PRORP: variants seen among roughly 807,000 people sequenced by gnomAD.
PRORP encodes mitochondrial ribonuclease P catalytic subunit.
Under a neutral mutation model 59.4 loss-of-function variants are expected in PRORP, and 51 were observed. The ratio of observed to expected loss-of-function variants is 0.86; its 90% CI spans 0.69 to 1.08. The LOEUF (loss-of-function observed/expected upper bound fraction) is 1.08. Among genes scored for constraint, PRORP ranks in the 50% least tolerant of loss-of-function variants. PRORP has a pLI of 0.00. For synonymous variants in PRORP, 231 were observed against 245.6 expected, an observed-to-expected ratio of 0.94 and a Z score of 0.55; for missense variants, 646 against 690.3, an observed-to-expected ratio of 0.94 and a Z score of 0.72.
intron 5 of PRORP, among the ~76,000 whole-genome samples, chr14:35,210,834 G>T (rs1001089827): frequency 7.8e-6 from 1 of 128,756 alleles, no homozygotes; most frequent in African/African-American, 2.9e-5. Flanking sequence ...GCATGAAATG[G>T]CTCACTGCTG....
At chr14:35,149,068 G>A (rs868236529) in intron 4 of PRORP, among the ~76,000 whole-genome samples, 2 of 149,138 alleles carry the variant, frequency 1.3e-5, no homozygotes, top group African/African-American at 2.5e-5. Context: ...ACAGGCGCCC[G>A]CCACCACGCC....
chr14:35,229,193 A>T (rs2050011509), intron 5 of PRORP, among the ~76,000 whole-genome samples: 1 of 152,108 alleles, frequency 6.6e-6, no homozygotes, highest in Non-Finnish European at 1.5e-5. Flanking sequence ...CCTGGATATT[A>T]GATTTTTGTT....
At chr14:35,186,673 G>A (rs541325860) in intron 5 of PRORP, among the ~76,000 whole-genome samples, 5 of 151,556 alleles carry the variant, frequency 3.3e-5, no homozygotes, top group African/African-American at 1.2e-4. Flanking sequence ...TCTCACTGCA[G>A]GCTTGACCTC....
intron 5 of PRORP, among the ~76,000 whole-genome samples, chr14:35,256,687 G>A (rs1320987835): frequency 6.6e-6 from 1 of 151,840 alleles, no homozygotes; most frequent in Non-Finnish European, 1.5e-5. Context: ...CATATTTACA[G>A]GTGAAATGAT....
chr14:35,122,950 A>T lies in PRORP; in HGVS notation c.-294-2A>T. The stretch of plus-strand genomic sequence containing the variant: ...GCGTTCCGTCTTGTGCTTTTTCCTC[A>T]GGTTCATGAACTGGAATGTAAGAGG... On this transcript the variant is annotated splice_acceptor_variant, in intron 1 of 7. Transcript: ENST00000534898. LOFTEE classifies it low-confidence loss of function (5UTR_SPLICE). 1 of 316,564 alleles carries T rather than the reference A, an allele frequency of 3.2e-6. No homozygotes were observed. Among genetic ancestry groups the T allele is most frequent in the Non-Finnish European group, 5.9e-6 (1 of 169,060 alleles). 19.6% of individuals were successfully genotyped at this position (316,564 alleles called of 1,614,324 possible). A position where few individuals can be genotyped will look rare whatever the true frequency, so the allele number is the denominator to read the frequency against.
intron 6 of PRORP, among the ~76,000 whole-genome samples, chr14:35,267,549 C>T (rs775800609): frequency 2.0e-5 from 3 of 152,072 alleles, no homozygotes; most frequent in East Asian, 1.9e-4. Flanking sequence ...TTTGGGAGGC[C>T]GAGGCGGGCA....
chr14:35,251,932 G>A lies in PRORP; in HGVS notation c.1276-14795G>A, dbSNP rs573517893. Among the ~76,000 whole-genome samples the A allele has an allele frequency of 3.5e-4, 54 of 152,216 alleles. 1 individual carries two copies. The highest frequency in any genetic ancestry group is 1.5e-5 in the Non-Finnish European group (1 of 68,012). ...TAGTGGAGGGGTCGGGGAGGCACAG[G>A]TGCAGGCGGGAGGGTACCTGAGGAA... is the stretch of plus-strand genomic sequence containing the variant. On this transcript the variant is annotated intron_variant, in intron 5 of 7. Coordinates refer to ENST00000534898, the MANE Select transcript of PRORP (RefSeq NM_014672.4).
intron 4 of PRORP, among the ~76,000 whole-genome samples, chr14:35,149,341 A>G (rs911347359): frequency 1.5e-4 from 23 of 151,860 alleles, no homozygotes; most frequent in Non-Finnish European, 2.8e-4. Flanking sequence ...AGGCCTCCCA[A>G]GTAGCTAGGA....
intron 4 of PRORP, among the ~76,000 whole-genome samples, chr14:35,140,611 A>G (rs1405450961): frequency 6.9e-6 from 1 of 145,644 alleles, no homozygotes; most frequent in Non-Finnish European, 1.5e-5. Flanking sequence ...ATATTTTACA[A>G]ATATTTTCTG....
intron 5 of PRORP, among the ~76,000 whole-genome samples, chr14:35,223,576 C>G (rs951849499): frequency 8.6e-5 from 13 of 151,498 alleles, no homozygotes; most frequent in African/African-American, 3.2e-4. Context: ...TCCCCTGCCT[C>G]AGCCTCCCAA....
intron 3 of PRORP, among the ~76,000 whole-genome samples, 156 bp downstream of exon 3, chr14:35,126,938 C>T (rs1226886672): frequency 1.3e-5 from 2 of 152,180 alleles, no homozygotes; most frequent in African/African-American, 4.8e-5. Flanking sequence ...CATACAGAGA[C>T]TTAGCAGTGC....
At chr14:35,184,262 T>C in intron 5 of PRORP, among the ~76,000 whole-genome samples, 1 of 152,268 alleles carries the variant, frequency 6.6e-6, no homozygotes, top group East Asian at 1.9e-4. Flanking sequence ...ATTAAGGAAC[T>C]AAAAAAAGAA....
At chr14:35,228,826 G>A (rs1422079430) in intron 5 of PRORP, among the ~76,000 whole-genome samples, 8 of 152,088 alleles carry the variant, frequency 5.3e-5, no homozygotes, top group Admixed American at 6.6e-5. Context: ...CCCAGTAATG[G>A]GATTGCTGGG....
chr14:35,136,396 CAG>C (rs1383880840), intron 4 of PRORP, among the ~76,000 whole-genome samples: 1 of 150,430 alleles, frequency 6.6e-6, no homozygotes, highest in Admixed American at 6.7e-5. Context: ...TTTTTTGAAA[CAG>C]AGTTTCGCTG....
intron 5 of PRORP, among the ~76,000 whole-genome samples, chr14:35,205,998 C>T (rs2049283384): frequency 6.6e-6 from 1 of 152,176 alleles, no homozygotes; most frequent in Non-Finnish European, 1.5e-5. Context: ...GTGATCTCAG[C>T]TCCTTGACAA....
rs1347652110 is a variant in PRORP, at chr14:35,143,784, G to A, written c.1167+16173G>A. ...TGCCTCAGCCTTCCCAAGTAGCTGG[G>A]ATTACAGGCATGCGCCACCAAGCCT... On this transcript the variant is annotated intron_variant, in intron 4 of 7. Transcript: ENST00000534898. Among the ~76,000 whole-genome samples, 2 of 144,880 alleles carry A rather than the reference G, an allele frequency of 1.4e-5. 1 individual carries two copies. Among genetic ancestry groups the A allele is most frequent in the African/African-American group, 4.9e-5 (2 of 40,884 alleles).
Position 35,136,653 on chromosome 14 carries a change from G to A in PRORP, c.1167+9042G>A, listed in dbSNP as rs553623359. On this transcript the variant is annotated intron_variant, in intron 4 of 7. Coordinates refer to ENST00000534898, the MANE Select transcript of PRORP (RefSeq NM_014672.4). ...GCCTCCCAAAGTGCTGGGATTACAG[G>A]TGTGAGCCACCGCACCTGGCCCATA... 3.4e-5 allele frequency among the ~76,000 whole-genome samples: 5 copies of A among 145,732 alleles called. 1 individual carries two copies. The East Asian group carries it at 9.3e-4, about 27-fold the overall frequency.
chr14:35,219,093 A>G (rs1427201982), intron 5 of PRORP: 2 of 152,164 alleles, frequency 1.3e-5, no homozygotes, highest in African/African-American at 2.4e-5. Context: ...GAGAACTTGG[A>G]AGTGTTGGCC....
chr14:35,122,504 C>T (rs569679914), upstream of PRORP: 35 of 155,528 alleles, frequency 2.3e-4, no homozygotes, highest in Middle Eastern at 6.8e-3. Context: ...AAGTCCGGGT[C>T]AGTCTCGTCC....
Sources: gnomAD v4.1 joint callset for allele counts (sites outside exome capture counted in the v4.1 genomes callset) on GRCh38, gnomAD v4.1.1 for gene constraint, MANE v1.5 for transcripts, NCBI Gene and HGNC (gene_info 2026-07-23, HGNC 2026-07-21) for gene names.